The following C8orf34 variants were observed in gnomAD, a reference collection of about 807,000 sequenced individuals.
C8orf34 encodes the protein uncharacterized protein C8orf34.
In C8orf34, 65 loss-of-function variants were observed where a neutral mutation model predicts 68.3. The ratio of observed to expected loss-of-function variants is 0.95; its 90% CI spans 0.78 to 1.17. The LOEUF is 1.17. Among genes scored for constraint, C8orf34 ranks in the 50% most tolerant of loss-of-function variants. The pLI, the probability that C8orf34 is intolerant of heterozygous loss-of-function variation, is 0.00. For missense variants in C8orf34, 664 were observed against 655.4 expected (o/e 1.01, Z -0.14); for synonymous variants, 244 against 241.2 (o/e 1.01, Z -0.11).
rs1040324929 is a variant in C8orf34, at chr8:68,337,998, T to C, written c.327+6659T>C. 1.3e-5 allele frequency among the ~76,000 whole-genome samples: 2 copies of C among 152,218 alleles called. 1 individual carries two copies. ...TTTATTACAAATGGTGGCATCTTCTTTGCACCTATATATAGTCAGTGACAC... is the reference window on the plus strand; with the variant it reads ...TTTATTACAAATGGTGGCATCTTCTCTGCACCTATATATAGTCAGTGACAC... On this transcript the variant is annotated intron_variant, in intron 1 of 13. Transcript: ENST00000518698.
chr8:68,572,919 C>T (rs772543328), intron 7 of C8orf34, among the ~76,000 whole-genome samples: 2 of 152,034 alleles, frequency 1.3e-5, no homozygotes, highest in Non-Finnish European at 2.9e-5. Flanking sequence ...TTTCAGTGTC[C>T]TGAGGCATCC....
rs118095907 is a variant in C8orf34, at chr8:68,449,907, G to T, written c.607+3447G>T. On this transcript the variant is annotated intron_variant, in intron 3 of 13. Transcript: ENST00000518698. ...AATAGACTCTTCTTTTCATGAAAAA[G>T]TTATTCATAATATGTGATGCTATTT... Among the ~76,000 whole-genome samples the T allele has an allele frequency of 9.9e-5, 15 of 152,184 alleles. No homozygotes were observed. The East Asian group carries it at 2.7e-3, about 27-fold the overall frequency.
intron 1 of C8orf34, among the ~76,000 whole-genome samples, chr8:68,341,494 G>A (rs1467312785): frequency 6.6e-6 from 1 of 152,140 alleles, no homozygotes; most frequent in Non-Finnish European, 1.5e-5. Flanking sequence ...GGAATACTGG[G>A]TACCAGATAA....
chr8:68,434,546 A>G (rs1810577596), intron 1 of C8orf34, among the ~76,000 whole-genome samples: 1 of 152,162 alleles, frequency 6.6e-6, no homozygotes, highest in African/African-American at 2.4e-5. Context: ...CTAGTCTATC[A>G]CTGATGGGCA....
At chr8:68,530,811 A>G (rs1345582712) in intron 6 of C8orf34, 7 of 165,256 alleles carry the variant, frequency 4.2e-5, no homozygotes, top group South Asian at 1.7e-4. Flanking sequence ...CATCTTAGCA[A>G]CAATCCTATT....
intron 8 of C8orf34, among the ~76,000 whole-genome samples, chr8:68,687,779 A>T (rs1820564109): frequency 6.6e-6 from 1 of 152,150 alleles, no homozygotes; most frequent in Non-Finnish European, 1.5e-5. Flanking sequence ...TAATTAAGCT[A>T]AAAAGCTTCT....
At chr8:68,606,401 A>G (rs1245492401) in intron 7 of C8orf34, among the ~76,000 whole-genome samples, 1 of 152,158 alleles carries the variant, frequency 6.6e-6, no homozygotes, top group East Asian at 1.9e-4. Flanking sequence ...AATATTAAGA[A>G]AATCATAAAT....
At chr8:68,474,943 T>G (rs144254286) in intron 4 of C8orf34, among the ~76,000 whole-genome samples, 2 of 152,178 alleles carry the variant, frequency 1.3e-5, no homozygotes, top group South Asian at 4.1e-4. Flanking sequence ...TCACTATAAG[T>G]GTAGTGGCTC....
At chr8:68,558,189 T>C (rs1354249465) in intron 7 of C8orf34, among the ~76,000 whole-genome samples, 1 of 152,178 alleles carries the variant, frequency 6.6e-6, no homozygotes, top group Non-Finnish European at 1.5e-5. Flanking sequence ...ACCCTCAGCA[T>C]TTTTATTCTG....
In C8orf34 at chr8:68,705,922, C is replaced by T. The variant is rs142170594; in HGVS notation, c.1242-3072C>T. Among the ~76,000 whole-genome samples the T allele has an allele frequency of 3.9e-4, 59 of 152,234 alleles. No homozygotes were observed. The East Asian group carries it at 0.01, about 26-fold the overall frequency. ...CTTACACAGGAGACAGGGCCTCTTG[C>T]GCTCTGCGCGTTGGAAAGGTAGTGA... is the stretch of plus-strand genomic sequence containing the variant. On this transcript the variant is annotated intron_variant, in intron 8 of 13. Coordinates refer to ENST00000518698, the MANE Select transcript of C8orf34 (RefSeq NM_052958.4).
chr8:68,533,721 ATT>A, intron 7 of C8orf34: 1 of 948,732 alleles, frequency 1.1e-6, no homozygotes, highest in Non-Finnish European at 1.3e-6. Flanking sequence ...ATCTTTTTAT[ATT>A]TTTTAATGTA....
intron 7 of C8orf34, among the ~76,000 whole-genome samples, chr8:68,588,053 A>T (rs1817260361): frequency 6.6e-6 from 1 of 152,156 alleles, no homozygotes; most frequent in Non-Finnish European, 1.5e-5. Flanking sequence ...ATTTATTCAG[A>T]TCACTTTTAT....
At chr8:68,510,578 C>G (rs1456552202) in intron 5 of C8orf34, among the ~76,000 whole-genome samples, 4 of 152,122 alleles carry the variant, frequency 2.6e-5, no homozygotes, top group Non-Finnish European at 5.9e-5. Context: ...AATTTAATGA[C>G]AAACGTATGA....
At position 68,418,506 on chromosome 8, in the gene C8orf34, G is replaced by C. The variant is rs532052134; in HGVS notation, c.328-20993G>C. On this transcript the variant is annotated intron_variant, in intron 1 of 13. Transcript: ENST00000518698. ...TTTATTGAGAGTTTTTAGCATGAAG[G>C]GTTGTTGAATTTTGTCAAAGGCCTT... is the stretch of plus-strand genomic sequence containing the variant. 3.8e-3 allele frequency among the ~76,000 whole-genome samples: 582 copies of C among 152,090 alleles called. 5 individuals carry two copies. The highest frequency in any genetic ancestry group is 0.013 in the African/African-American group (544 of 41,500).
At chr8:68,613,222 C>A (rs1332235684) in intron 7 of C8orf34, among the ~76,000 whole-genome samples, 1 of 152,118 alleles carries the variant, frequency 6.6e-6, no homozygotes, top group Non-Finnish European at 1.5e-5. Context: ...AATGGGAATT[C>A]TTGCCCTGTG....
At chr8:68,807,868 G>A (rs1356136093) in intron 12 of C8orf34, among the ~76,000 whole-genome samples, 1 of 152,184 alleles carries the variant, frequency 6.6e-6, no homozygotes, top group Non-Finnish European at 1.5e-5. Context: ...TCCTTGAGAG[G>A]GCTGGTATAT....
Position 68,640,410 on chromosome 8 carries a change from A to G in C8orf34, c.1140A>G (p.Thr380=), listed in dbSNP as rs769507768. The part of the protein sequence containing the change: ...DLNDLRMEGV[T]TLVPSGSKFN... ...ATGATTTAAGAATGGAGGGAGTAAC[A>G]ACCCTGGTACCTTCTGGGAGCAAAT... is the stretch of plus-strand genomic sequence containing the variant. Residue 380 remains threonine, a synonymous_variant, in exon 8 of 14, where the codon ACA becomes ACG. Transcript: ENST00000518698. 1 of 1,613,868 alleles carries G rather than the reference A, an allele frequency of 6.2e-7. No homozygotes were observed. Among genetic ancestry groups the G allele is most frequent in the Non-Finnish European group, 8.5e-7 (1 of 1,179,828 alleles).
chr8:68,794,057 G>T (rs771872391), intron 12 of C8orf34, among the ~76,000 whole-genome samples: 3 of 152,042 alleles, frequency 2.0e-5, no homozygotes, highest in Non-Finnish European at 4.4e-5. Context: ...AGCTATGAGG[G>T]TCTTTAAACT....
chr8:68,656,322 T>G (rs940938816), intron 8 of C8orf34, among the ~76,000 whole-genome samples: 6 of 152,154 alleles, frequency 3.9e-5, no homozygotes, highest in Non-Finnish European at 7.3e-5. Flanking sequence ...ATAGAATAAA[T>G]TAGACAAAGT....
Sources: gnomAD v4.1 joint callset for allele counts (sites outside exome capture counted in the v4.1 genomes callset) on GRCh38, gnomAD v4.1.1 for gene constraint, MANE v1.5 for transcripts, NCBI Gene and HGNC (gene_info 2026-07-23, HGNC 2026-07-21) for gene names.